ATRNL1: variants seen among roughly 807,000 people sequenced by gnomAD.
ATRNL1 encodes the protein attractin-like protein 1.
In ATRNL1, 95 loss-of-function variants were observed where a neutral mutation model predicts 182.7. That is an observed-to-expected ratio of 0.52 (90% CI 0.44 to 0.62). The LOEUF is 0.62. ATRNL1 is among the 20% of genes least tolerant of loss of function. The pLI, the probability that ATRNL1 is intolerant of heterozygous loss-of-function variation, is 0.00. For synonymous variants in ATRNL1, 576 were observed against 568.3 expected (o/e 1.01, Z -0.19); for missense variants, 1,471 against 1,679.5 (o/e 0.88, Z 2.17).
intron 21 of ATRNL1, among the ~76,000 whole-genome samples, chr10:115,445,570 C>T (rs1203079235): frequency 1.4e-5 from 2 of 138,168 alleles, no homozygotes; most frequent in African/African-American, 5.5e-5. Flanking sequence ...CCTACATGGA[C>T]ATGCCTGGAT....
intron 8 of ATRNL1, among the ~76,000 whole-genome samples, chr10:115,191,571 C>T (rs1187223328): frequency 1.3e-5 from 2 of 152,070 alleles, no homozygotes; most frequent in African/African-American, 4.8e-5. Context: ...TCCACAATCC[C>T]CACGTATCAA....
intron 5 of ATRNL1, among the ~76,000 whole-genome samples, chr10:115,136,953 A>G (rs1845540195): frequency 6.6e-6 from 1 of 152,232 alleles, no homozygotes; most frequent in Admixed American, 6.5e-5. Context: ...GCTTCCAAAC[A>G]TTGGGATAGA....
chr10:115,896,344 C>CA (rs1287361272), intron 28 of ATRNL1, among the ~76,000 whole-genome samples: 2 of 152,058 alleles, frequency 1.3e-5, no homozygotes, highest in Admixed American at 6.6e-5. Context: ...ATCAGTAATT[C>CA]CTGTGCTAAT....
At chr10:115,399,793 T>G (rs189293603) in intron 20 of ATRNL1, among the ~76,000 whole-genome samples, 2 of 152,192 alleles carry the variant, frequency 1.3e-5, no homozygotes, top group Admixed American at 1.3e-4. Flanking sequence ...TCTAACTTTT[T>G]GATGTGGACA....
At chr10:115,879,857 G>T (rs1555108156) in intron 28 of ATRNL1, among the ~76,000 whole-genome samples, 1 of 152,134 alleles carries the variant, frequency 6.6e-6, no homozygotes, top group East Asian at 1.9e-4. Context: ...CCTCGGAGAG[G>T]CTGTGGGTGA....
intron 27 of ATRNL1, among the ~76,000 whole-genome samples, chr10:115,804,311 G>A (rs1437704811): frequency 1.3e-5 from 2 of 152,118 alleles, no homozygotes; most frequent in Non-Finnish European, 2.9e-5. Flanking sequence ...TGGCCTGAAT[G>A]TTTGTGTCCC....
chr10:115,827,872 G>A (rs114251458), intron 27 of ATRNL1, among the ~76,000 whole-genome samples: 2 of 152,048 alleles, frequency 1.3e-5, no homozygotes, highest in Non-Finnish European at 2.9e-5. Flanking sequence ...TTTCCGTGGG[G>A]CTGTCTCTGA....
chr10:115,482,938 G>A (rs558010860), intron 24 of ATRNL1, among the ~76,000 whole-genome samples: 7 of 151,258 alleles, frequency 4.6e-5, no homozygotes, highest in South Asian at 2.1e-4. Flanking sequence ...TGTACTAACC[G>A]TAAGGTAAGA....
intron 6 of ATRNL1, among the ~76,000 whole-genome samples, chr10:115,160,583 T>C (rs578174192): frequency 2.0e-5 from 3 of 152,034 alleles, no homozygotes; most frequent in Non-Finnish European, 4.4e-5. Context: ...CAATTTGTTC[T>C]GTAAATTTTA....
chr10:115,902,658 T>A (rs1952390840), intron 28 of ATRNL1, among the ~76,000 whole-genome samples: 1 of 152,218 alleles, frequency 6.6e-6, no homozygotes, highest in South Asian at 2.1e-4. Context: ...ACAAATGTGT[T>A]TTCCCCCTAT....
chr10:115,868,996 A>AT (rs1951512212), intron 28 of ATRNL1, among the ~76,000 whole-genome samples: 1 of 151,354 alleles, frequency 6.6e-6, no homozygotes, highest in South Asian at 2.1e-4. Context: ...CGCCCGGCTA[A>AT]TTTTTTGTAT....
In ATRNL1 at chr10:115,687,751, TCA is replaced by T. The variant is rs576563215; in HGVS notation, c.3796-39496_3796-39495del. Reference sequence around the variant, plus strand: ...GTTGCAGGCAAAAATTATATAATGTTCAATTCAGGGTAATTGGAGTATCAATC... The same window carrying T: ...GTTGCAGGCAAAAATTATATAATGTTATTCAGGGTAATTGGAGTATCAATC... On this transcript the variant is annotated intron_variant, in intron 26 of 28. Coordinates refer to ENST00000355044, the MANE Select transcript of ATRNL1 (RefSeq NM_207303.4). Among the ~76,000 whole-genome samples the T allele has an allele frequency of 2.6e-5, 4 of 152,212 alleles. No individual in the cohort carries two copies. In the East Asian group the frequency reaches 7.7e-4, roughly 29 times the overall value.
rs139522826 is a variant in ATRNL1, at chr10:115,807,342, C to G, written c.3904-40535C>G. On this transcript the variant is annotated intron_variant, in intron 27 of 28. Transcript: ENST00000355044. Reference sequence around the variant, plus strand: ...TGTTGGCCAGGCTGTTCTCAAACTCCTGGCCTCAAGCAGTCCATCTGCCTC... The same window carrying G: ...TGTTGGCCAGGCTGTTCTCAAACTCGTGGCCTCAAGCAGTCCATCTGCCTC... Among the ~76,000 whole-genome samples, 348 of 152,248 alleles carry G rather than the reference C, an allele frequency of 2.3e-3. 1 individual carries two copies. Among genetic ancestry groups the G allele is most frequent in the African/African-American group, 8.1e-3 (335 of 41,558 alleles).
At position 115,265,268 on chromosome 10, in the gene ATRNL1, T is replaced by A. The variant is rs782707422; in HGVS notation, c.1763T>A (p.Val588Asp). The stretch of plus-strand genomic sequence containing the variant: ...AACAGATTTGGACACTCTGCAGTAG[T>A]CATTAACGGGTAAAAGAAGCACATT... Reference protein sequence around the residue: ...DVNRFGHSAVVINGSMYIFGG... With the variant: ...DVNRFGHSAVDINGSMYIFGG... The change falls in exon 11 of 29, where the codon GTC becomes GAC. Residue 588 changes from valine (V) to aspartate (D), a missense_variant. Val to Asp is a radical substitution (Grantham distance 152, BLOSUM62 -3). Transcript: ENST00000355044. The A allele has an allele frequency of 1.9e-6, 3 of 1,597,476 alleles. No individual in the cohort carries two copies. Among genetic ancestry groups the A allele is most frequent in the Non-Finnish European group, 2.6e-6 (3 of 1,170,238 alleles).
chr10:115,466,048 C>T (rs1848038226), intron 22 of ATRNL1, among the ~76,000 whole-genome samples: 1 of 151,476 alleles, frequency 6.6e-6, no homozygotes, highest in Non-Finnish European at 1.5e-5. Context: ...CATCACACAT[C>T]ATCCAGCAGC....
At chr10:115,369,973 G>A (rs929281791) in intron 19 of ATRNL1, among the ~76,000 whole-genome samples, 4 of 152,156 alleles carry the variant, frequency 2.6e-5, no homozygotes, top group African/African-American at 7.2e-5. Context: ...GTTGTGGGAG[G>A]GATCTGGTAG....
At chr10:115,270,862 C>T (rs555628033) in intron 13 of ATRNL1, among the ~76,000 whole-genome samples, 162 of 152,186 alleles carry the variant, frequency 1.1e-3, no homozygotes, top group African/African-American at 3.6e-3. Context: ...TTAACCATTA[C>T]AAGTCTACCC....
intron 19 of ATRNL1, among the ~76,000 whole-genome samples, chr10:115,369,011 G>A (rs992276840): frequency 6.6e-6 from 1 of 152,004 alleles, no homozygotes; most frequent in Non-Finnish European, 1.5e-5. Context: ...ACTGCGCCCA[G>A]CCGTAAATTT....
chr10:115,148,572 T>C (rs1846069758), intron 5 of ATRNL1, among the ~76,000 whole-genome samples: 1 of 152,082 alleles, frequency 6.6e-6, no homozygotes, highest in Non-Finnish European at 1.5e-5. Flanking sequence ...AGTGGCATCA[T>C]TTGGGGAAAT....
Sources: gnomAD v4.1 joint callset for allele counts (sites outside exome capture counted in the v4.1 genomes callset) on GRCh38, gnomAD v4.1.1 for gene constraint, MANE v1.5 for transcripts, NCBI Gene and HGNC (gene_info 2026-07-23, HGNC 2026-07-21) for gene names.